The following DLEC1 variants were observed in gnomAD, a reference collection of about 807,000 sequenced individuals.
DLEC1 encodes the protein deleted in lung and esophageal cancer protein 1.
DLEC1 carries 146 observed loss-of-function variants against 198.1 expected under a neutral mutation model. The ratio of observed to expected loss-of-function variants is 0.74; its 90% CI spans 0.64 to 0.85. The LOEUF is 0.85. DLEC1 is among the 40% of genes least tolerant of loss of function. The probability of loss-of-function intolerance (pLI) is 0.00; values close to 1 mark genes in which losing one functional copy is unlikely to be tolerated. For missense variants in DLEC1, 2,233 were observed against 2,220.0 expected, an observed-to-expected ratio of 1.01 and a Z score of -0.12; for synonymous variants, 897 against 866.8, an observed-to-expected ratio of 1.03 and a Z score of -0.61.
At chr3:38,104,992 A>G (rs995310284) in intron 19 of DLEC1, among the ~76,000 whole-genome samples, 2 of 152,092 alleles carry the variant, frequency 1.3e-5, no homozygotes, top group African/African-American at 4.8e-5. Flanking sequence ...AACTTTTCAT[A>G]TATCATGTTT....
chr3:38,093,693 C>T lies in DLEC1; in HGVS notation c.1845C>T (p.Ala615=). ...CTGGAGAGCTCACAGACTTAACAGCCCAGCACTTCATACGATTTGAGCCTG... is the reference window on the plus strand; with the variant it reads ...CTGGAGAGCTCACAGACTTAACAGCTCAGCACTTCATACGATTTGAGCCTG... The part of the protein sequence containing the change: ...PDPGELTDLT[A]QHFIRFEPEN... The change falls in exon 12 of 37, where the codon GCC becomes GCT. Residue 615 remains alanine, a synonymous_variant. Transcript: ENST00000308059. The T allele has an allele frequency of 6.2e-7, 1 of 1,614,192 alleles. No individual in the cohort carries two copies. Among genetic ancestry groups the T allele is most frequent in the Non-Finnish European group, 8.5e-7 (1 of 1,180,042 alleles).
At chr3:38,080,991 C>T (rs1249917298) in intron 6 of DLEC1, among the ~76,000 whole-genome samples, 2 of 133,744 alleles carry the variant, frequency 1.5e-5, no homozygotes, top group Non-Finnish European at 3.2e-5. Flanking sequence ...TCCCTGATTA[C>T]TTGAGATTAG....
At chr3:38,069,695 A>T (rs987043585) in intron 6 of DLEC1, among the ~76,000 whole-genome samples, 2 of 152,200 alleles carry the variant, frequency 1.3e-5, no homozygotes, top group African/African-American at 4.8e-5. Context: ...CACAGCTACC[A>T]TGTTTCACTC....
chr3:38,083,068 TAGTG>T (rs1374462972), intron 6 of DLEC1, among the ~76,000 whole-genome samples: 1 of 150,418 alleles, frequency 6.6e-6, no homozygotes, highest in Admixed American at 6.6e-5. Context: ...GGTTGAGGGA[TAGTG>T]AGGGAGGTTG....
intron 7 of DLEC1, among the ~76,000 whole-genome samples, chr3:38,084,446 G>GGTGGTA (rs1559430191): frequency 3.5e-4 from 2 of 5,774 alleles, no homozygotes; most frequent in African/African-American, 9.4e-4. Context: ...TGGTGGTGGT[G>GGTGGTA]GTGGTGGTAG....
At chr3:38,056,101 ACACACACACACACAC>A (rs1559400166) in intron 2 of DLEC1, among the ~76,000 whole-genome samples, 21 of 144,620 alleles carry the variant, frequency 1.5e-4, no homozygotes, top group African/African-American at 5.4e-4. Flanking sequence ...ACACACACAC[ACACACACACACACAC>A]AAATAGCTGA....
intron 1 of DLEC1, among the ~76,000 whole-genome samples, chr3:38,044,915 A>T (rs889089154): frequency 1.3e-5 from 2 of 152,190 alleles, no homozygotes; most frequent in African/African-American, 4.8e-5. Context: ...GTTAGCTATC[A>T]ACACCTGTGA....
intron 3 of DLEC1, among the ~76,000 whole-genome samples, chr3:38,060,648 C>A (rs1311520136): frequency 6.6e-6 from 1 of 151,128 alleles, no homozygotes; most frequent in African/African-American, 2.4e-5. Flanking sequence ...GGAAGTAAGG[C>A]AAGAAAGAGG....
intron 2 of DLEC1, among the ~76,000 whole-genome samples, chr3:38,047,054 A>G (rs7639150): frequency 0.061 from 9,352 of 152,218 alleles, 359 homozygotes; most frequent in Middle Eastern, 0.12. Context: ...GGGTCACGTG[A>G]TGTTAACCTC....
intron 22 of DLEC1, 95 bp downstream of exon 22, chr3:38,109,657 C>T: frequency 1.3e-6 from 2 of 1,574,982 alleles, no homozygotes; most frequent in South Asian, 2.3e-5. Context: ...TCAGTCTGCG[C>T]CCATCTGATT....
At chr3:38,052,953 C>T (rs945071740) in intron 2 of DLEC1, among the ~76,000 whole-genome samples, 4 of 152,228 alleles carry the variant, frequency 2.6e-5, no homozygotes, top group African/African-American at 9.6e-5. Flanking sequence ...CCACGCCTGA[C>T]TGGTTTTCGT....
intron 6 of DLEC1, among the ~76,000 whole-genome samples, chr3:38,082,204 C>T (rs370771701): frequency 2.0e-3 from 283 of 142,722 alleles, no homozygotes; most frequent in African/African-American, 6.2e-3. Context: ...GATGGGCGGC[C>T]GGGCAGAGAC....
intron 10 of DLEC1, among the ~76,000 whole-genome samples, chr3:38,091,450 C>T (rs1261202508): frequency 1.3e-5 from 2 of 152,040 alleles, no homozygotes; most frequent in Non-Finnish European, 2.9e-5. Flanking sequence ...GGTGACAGAG[C>T]AAGATCCTGT....
At chr3:38,052,196 C>A in intron 2 of DLEC1, 1 of 439,112 alleles carries the variant, frequency 2.3e-6, no homozygotes, top group African/African-American at 2.0e-5. Context: ...GAAATAATTT[C>A]ATCCATACCC....
chr3:38,119,837 T>C (rs1700361872), intron 33 of DLEC1, among the ~76,000 whole-genome samples: 3 of 152,126 alleles, frequency 2.0e-5, no homozygotes, highest in African/African-American at 7.2e-5. Flanking sequence ...CCCAGCAAAT[T>C]AGTACCCTTG....
intron 6 of DLEC1, among the ~76,000 whole-genome samples, chr3:38,073,281 A>C (rs925220047): frequency 2.6e-5 from 4 of 152,224 alleles, no homozygotes; most frequent in African/African-American, 7.2e-5. Flanking sequence ...AATCTGTAAG[A>C]CTTGTCTGGT....
Position 38,107,667 on chromosome 3 carries a change from G to C in DLEC1, c.2948G>C (p.Gly983Ala). 1 of 1,614,116 alleles carries C rather than the reference G, an allele frequency of 6.2e-7. No individual in the cohort carries two copies. Among genetic ancestry groups the C allele is most frequent in the Middle Eastern group, 1.6e-4 (1 of 6,062 alleles). The change falls in exon 20 of 37, where the codon GGT becomes GCT. Residue 983 changes from glycine to alanine, a missense_variant. Physicochemically the swap from Gly to Ala is moderately conservative, Grantham distance 60. Transcript: ENST00000308059. The stretch of plus-strand genomic sequence containing the variant: ...GTGGAGGTTAGAAATCTCTACCTGG[G>C]TGTGCCCACGAAGACAACCATCACA... ...SQVEVRNLYL[G>A]VPTKTTITLI... is the part of the protein sequence containing the mutation.
chr3:38,120,831 G>C (rs156266), intron 34 of DLEC1, among the ~76,000 whole-genome samples: 20,130 of 152,260 alleles, frequency 0.13, 1,790 homozygotes, highest in East Asian at 0.35. Flanking sequence ...AGGGGCCAGA[G>C]TGTGGGAAAT....
At chr3:38,111,875 G>T (rs548011598) in intron 24 of DLEC1, 128 bp downstream of exon 24, 2 of 1,051,700 alleles carry the variant, frequency 1.9e-6, no homozygotes, top group Admixed American at 2.8e-5. Context: ...TGGCCAAGGC[G>T]CTCCACCTGA....
Sources: allele counts gnomAD v4.1 joint callset (sites outside exome capture counted in the v4.1 genomes callset), GRCh38; gene constraint gnomAD v4.1.1; transcripts MANE v1.5; gene names NCBI Gene and HGNC (gene_info 2026-07-23, HGNC 2026-07-21).